Variants in FARP2 observed in about 807,000 individuals in gnomAD.
FARP2 encodes FERM, ARH/RhoGEF and pleckstrin domain protein 2.
In FARP2, 111 loss-of-function variants were observed where a neutral mutation model predicts 130.5. That is an observed-to-expected ratio of 0.85 (90% CI 0.73 to 1.00). FARP2 has a LOEUF of 1.00. Ranked by LOEUF, FARP2 falls within the 50% of genes least tolerant of loss-of-function variation. The pLI, the probability that FARP2 is intolerant of heterozygous loss-of-function variation, is 0.00. For missense variants in FARP2, 1,385 were observed against 1,346.3 expected (o/e 1.03, Z -0.45); for synonymous variants, 504 against 516.9 (o/e 0.98, Z 0.34).
chr2:241,466,739 T>G (rs1232042947), intron 17 of FARP2: 2 of 355,444 alleles, frequency 5.6e-6, no homozygotes, highest in Admixed American at 7.0e-5. Flanking sequence ...CTTCCAGAGC[T>G]TTTACACCTG....
chr2:241,467,524 C>T (rs1354660757), intron 17 of FARP2, among the ~76,000 whole-genome samples: 2 of 151,950 alleles, frequency 1.3e-5, no homozygotes, highest in African/African-American at 4.8e-5. Flanking sequence ...GTGGCACATG[C>T]CTGTTCTTGC....
chr2:241,490,235 G>A (rs1242673072), intron 22 of FARP2, among the ~76,000 whole-genome samples, 191 bp downstream of exon 22: 1 of 152,192 alleles, frequency 6.6e-6, no homozygotes, highest in Non-Finnish European at 1.5e-5. Flanking sequence ...CAGGGGCAGG[G>A]CTGCTTGCCA....
chr2:241,437,267 A>G (rs1318178394), intron 12 of FARP2, among the ~76,000 whole-genome samples: 1 of 152,250 alleles, frequency 6.6e-6, no homozygotes, highest in Non-Finnish European at 1.5e-5. Flanking sequence ...AAACAAAGAT[A>G]CACCAACTCA....
At chr2:241,446,909 C>T (rs756739357) in intron 13 of FARP2, 3 of 152,038 alleles carry the variant, frequency 2.0e-5, no homozygotes, top group Non-Finnish European at 4.4e-5. Context: ...TTCAAGGAAG[C>T]GCCATCTTTA....
chr2:241,406,107 T>C (rs935330740), intron 4 of FARP2, among the ~76,000 whole-genome samples: 1 of 151,796 alleles, frequency 6.6e-6, no homozygotes, highest in Admixed American at 6.6e-5. Context: ...ATCGAGACCA[T>C]CCTGGCTAAC....
intron 13 of FARP2, among the ~76,000 whole-genome samples, chr2:241,453,349 G>T (rs192320613): frequency 1.3e-5 from 2 of 151,594 alleles, no homozygotes; most frequent in South Asian, 2.1e-4. Context: ...GTGGCTGGGC[G>T]CGGTGGCTCA....
At chr2:241,483,582 C>T (rs767846778) in intron 20 of FARP2, 49 bp downstream of exon 20, 11 of 1,569,954 alleles carry the variant, frequency 7.0e-6, no homozygotes, top group Non-Finnish European at 7.9e-6. Context: ...GGGGGATGGG[C>T]AGCAGTTCTG....
At position 241,462,505 on chromosome 2, in the gene FARP2, G is replaced by A; in HGVS notation, c.1588-18G>A. The A allele has an allele frequency of 1.9e-6, 3 of 1,598,512 alleles. No homozygotes were observed. The highest frequency in any genetic ancestry group is 2.6e-6 in the Non-Finnish European group (3 of 1,165,898). On this transcript the variant is annotated intron_variant, in intron 14 of 26. Transcript: ENST00000264042. Reference sequence around the variant, plus strand: ...CATGTCCCAGGGACGCACACTTACAGCTCTCTGCTTCTTTCAGCGCGTGCC... The same window carrying A: ...CATGTCCCAGGGACGCACACTTACAACTCTCTGCTTCTTTCAGCGCGTGCC...
intron 8 of FARP2, among the ~76,000 whole-genome samples, chr2:241,427,215 A>G (rs186992274): frequency 6.6e-6 from 1 of 152,110 alleles, no homozygotes; most frequent in Non-Finnish European, 1.5e-5. Flanking sequence ...AGCCTGGGCA[A>G]CAAGAGCGAA....
At chr2:241,484,202 G>C in intron 20 of FARP2, 40 bp from the exon 21 acceptor site, 1 of 1,613,254 alleles carries the variant, frequency 6.2e-7, no homozygotes, top group Non-Finnish European at 8.5e-7. Context: ...TAAGACACTT[G>C]TTTGTGAAGT....
intron 20 of FARP2, 31 bp downstream of exon 20, chr2:241,483,564 C>T (rs2124886405): frequency 1.9e-6 from 3 of 1,598,972 alleles, no homozygotes; most frequent in South Asian, 1.1e-5. Flanking sequence ...AGCTGTGCTT[C>T]CCCCCGAGGG....
intron 5 of FARP2, among the ~76,000 whole-genome samples, chr2:241,409,846 A>G (rs58798677): frequency 0.034 from 5,200 of 152,260 alleles, 284 homozygotes; most frequent in African/African-American, 0.12. Flanking sequence ...ATATTCATCC[A>G]TATTTCCAAT....
chr2:241,446,794 T>C (rs1441677867), intron 13 of FARP2: 1 of 152,236 alleles, frequency 6.6e-6, no homozygotes, highest in Non-Finnish European at 1.5e-5. Context: ...GGTGCTCATC[T>C]GGGAGCCATG....
chr2:241,411,228 A>C (rs769490914), intron 6 of FARP2, 98 bp downstream of exon 6: 106 of 800,344 alleles, frequency 1.3e-4, no homozygotes, highest in Non-Finnish European at 1.9e-4. Context: ...TTGCCTAGTT[A>C]GTGAGCCTGA....
intron 15 of FARP2, 141 bp from the exon 16 acceptor site, chr2:241,463,194 G>A: frequency 2.7e-6 from 2 of 744,910 alleles, no homozygotes; most frequent in Non-Finnish European, 2.1e-6. Context: ...GAGGATGGCT[G>A]TAGTGCTGAT....
At chr2:241,472,588 G>A (rs1203085623) in intron 18 of FARP2, among the ~76,000 whole-genome samples, 2 of 151,348 alleles carry the variant, frequency 1.3e-5, no homozygotes, top group Non-Finnish European at 2.9e-5. Context: ...ACCCTGTTCT[G>A]AAGGGAATGC....
chr2:241,443,083 A>G, intron 13 of FARP2: 1 of 240,418 alleles, frequency 4.2e-6, no homozygotes, highest in Non-Finnish European at 8.1e-6. Flanking sequence ...AACTCGTGGG[A>G]CTCTGAGACC....
intron 11 of FARP2, 116 bp from the exon 12 acceptor site, chr2:241,436,365 T>C (rs2063230195): frequency 1.2e-6 from 1 of 844,072 alleles, no homozygotes; most frequent in Non-Finnish European, 2.0e-6. Context: ...AGATACCTCT[T>C]AGCTACATTT....
chr2:241,416,483 A>G (rs1490292854), intron 7 of FARP2, among the ~76,000 whole-genome samples: 3 of 152,000 alleles, frequency 2.0e-5, no homozygotes, highest in Non-Finnish European at 4.4e-5. Flanking sequence ...ACAATATTGT[A>G]CCTTTATTTT....
Sources: allele counts gnomAD v4.1 joint callset (sites outside exome capture counted in the v4.1 genomes callset), GRCh38; gene constraint gnomAD v4.1.1; transcripts MANE v1.5; gene names NCBI Gene and HGNC (gene_info 2026-07-23, HGNC 2026-07-21).